EBF1: variants seen among roughly 807,000 people sequenced by gnomAD.
The protein encoded by EBF1 is EBF transcription factor 1, also known as transcription factor COE1.
A neutral mutation model predicts 68.4 loss-of-function variants in EBF1; 10 were observed. The observed-to-expected ratio is 0.15, with a 90% CI of 0.09 to 0.25. The LOEUF is 0.25. EBF1 is among the 10% of genes least tolerant of loss of function. The probability of loss-of-function intolerance (pLI) is 1.00; values close to 1 mark genes in which losing one functional copy is unlikely to be tolerated. For synonymous variants in EBF1, 298 were observed against 299.8 expected (o/e 0.99, Z 0.06); for missense variants, 509 against 794.4 (o/e 0.64, Z 4.32).
intron 6 of EBF1, chr5:158,986,405 G>A (rs1759083679): frequency 1.3e-5 from 2 of 152,126 alleles, no homozygotes; most frequent in Admixed American, 1.3e-4. Context: ...TCTCAGGCAG[G>A]GGCCTCAAAC....
At chr5:159,018,770 G>A (rs1039733093) in intron 6 of EBF1, among the ~76,000 whole-genome samples, 1 of 152,170 alleles carries the variant, frequency 6.6e-6, no homozygotes, top group African/African-American at 2.4e-5. Flanking sequence ...CAGGATTGGA[G>A]TGGCCAAGTA....
At chr5:158,912,406 G>A (rs1338053672) in intron 6 of EBF1, among the ~76,000 whole-genome samples, 2 of 152,180 alleles carry the variant, frequency 1.3e-5, no homozygotes. Flanking sequence ...TCTTGTGCAA[G>A]CCTCTTAATT....
At chr5:159,054,920 G>C (rs1281885716) in intron 6 of EBF1, among the ~76,000 whole-genome samples, 1 of 152,042 alleles carries the variant, frequency 6.6e-6, no homozygotes, top group East Asian at 1.9e-4. Context: ...CTTTTTACTA[G>C]ATCCCTTCCC....
intron 8 of EBF1, among the ~76,000 whole-genome samples, chr5:158,801,757 G>C (rs985307198): frequency 6.6e-6 from 1 of 151,894 alleles, no homozygotes; most frequent in African/African-American, 2.4e-5. Context: ...TGCACCAGGG[G>C]ACATTTGCTA....
At position 159,035,300 on chromosome 5, in the gene EBF1, T is replaced by C. The variant is rs141388393; in HGVS notation, c.554+38096A>G. Reference sequence around the variant, plus strand: ...TGTTTTACTTCTGCTAAATGGAACATTGGTAAAAAATAAAAAATAAATAAT... The same window carrying C: ...TGTTTTACTTCTGCTAAATGGAACACTGGTAAAAAATAAAAAATAAATAAT... On this transcript the variant is annotated intron_variant, in intron 6 of 15. Transcript: ENST00000313708. Among the ~76,000 whole-genome samples, 223 of 152,114 alleles carry C rather than the reference T, an allele frequency of 1.5e-3. 1 individual carries two copies. The highest frequency in any genetic ancestry group is 4.9e-3 in the African/African-American group (202 of 41,502).
intron 10 of EBF1, among the ~76,000 whole-genome samples, chr5:158,774,790 T>C (rs1435906762): frequency 2.0e-5 from 3 of 152,108 alleles, no homozygotes; most frequent in Non-Finnish European, 4.4e-5. Flanking sequence ...GGTAGAGGCA[T>C]TTAATGCTAA....
intron 6 of EBF1, among the ~76,000 whole-genome samples, chr5:158,969,896 G>GAAAT (rs764549225): frequency 6.4e-4 from 64 of 100,042 alleles, no homozygotes; most frequent in Middle Eastern, 4.5e-3. Context: ...AAGAAAGAAA[G>GAAAT]AAAGAAAGAA....
At chr5:158,974,097 C>T (rs939139866) in intron 6 of EBF1, among the ~76,000 whole-genome samples, 9 of 152,216 alleles carry the variant, frequency 5.9e-5, no homozygotes, top group African/African-American at 2.2e-4. Flanking sequence ...AGATGCAGCT[C>T]ATCCTCTTAA....
chr5:158,827,940 C>T (rs1786564512), intron 7 of EBF1, among the ~76,000 whole-genome samples: 1 of 152,134 alleles, frequency 6.6e-6, no homozygotes, highest in Non-Finnish European at 1.5e-5. Flanking sequence ...AACTCTTCCT[C>T]ACGTTAATTT....
At chr5:159,094,851 G>A (rs1782306050) in intron 4 of EBF1, among the ~76,000 whole-genome samples, 1 of 152,126 alleles carries the variant, frequency 6.6e-6, no homozygotes, top group Non-Finnish European at 1.5e-5. Flanking sequence ...AGAAGAAGGG[G>A]AAAAAGCTCC....
intron 6 of EBF1, among the ~76,000 whole-genome samples, chr5:158,957,780 T>C (rs1042435063): frequency 3.3e-5 from 5 of 152,206 alleles, no homozygotes; most frequent in African/African-American, 4.8e-5. Context: ...CGCATGATAT[T>C]TTTCAAGGGA....
At chr5:158,925,284 T>C (rs1809436714) in intron 6 of EBF1, among the ~76,000 whole-genome samples, 2 of 152,224 alleles carry the variant, frequency 1.3e-5, no homozygotes, top group Admixed American at 1.3e-4. Context: ...TCTAGCTCCC[T>C]GCTAGGATGC....
At chr5:158,947,483 C>T (rs530259581) in intron 6 of EBF1, among the ~76,000 whole-genome samples, 108 of 152,290 alleles carry the variant, frequency 7.1e-4, no homozygotes, top group African/African-American at 2.4e-3. Context: ...GGTGAGGCAG[C>T]GCCCCGTCCT....
chr5:159,017,317 A>C (rs1268498213), intron 6 of EBF1, among the ~76,000 whole-genome samples: 2 of 152,246 alleles, frequency 1.3e-5, no homozygotes, highest in African/African-American at 4.8e-5. Context: ...ATTAGTTGCC[A>C]TCACTTAAAA....
At chr5:158,711,674 CTTT>C (rs374478313) in intron 14 of EBF1, among the ~76,000 whole-genome samples, 79 of 146,618 alleles carry the variant, frequency 5.4e-4, no homozygotes, top group Non-Finnish European at 1.0e-3. Context: ...TTTTTGTTTG[CTTT>C]TTTTTTTTCT....
intron 6 of EBF1, among the ~76,000 whole-genome samples, chr5:158,870,337 G>A (rs1796668055): frequency 6.6e-6 from 1 of 152,166 alleles, no homozygotes; most frequent in Non-Finnish European, 1.5e-5. Flanking sequence ...TTTAGCATCT[G>A]CTATAGACTG....
chr5:158,812,981 C>CA (rs1248860559), intron 8 of EBF1, among the ~76,000 whole-genome samples: 1 of 152,022 alleles, frequency 6.6e-6, no homozygotes, highest in Non-Finnish European at 1.5e-5. Flanking sequence ...TGATTTGACT[C>CA]AAAAAAAGAA....
At chr5:158,719,361 G>A (rs892348363) in intron 11 of EBF1, among the ~76,000 whole-genome samples, 8 of 152,140 alleles carry the variant, frequency 5.3e-5, no homozygotes, top group Non-Finnish European at 1.2e-4. Context: ...TTTATTAGCT[G>A]TACTCTTAGG....
In EBF1 at chr5:158,865,847, C is replaced by T. The variant is rs373053600; in HGVS notation, c.555-25737G>A. Among the ~76,000 whole-genome samples the T allele has an allele frequency of 1.4e-4, 21 of 152,316 alleles. No individual in the cohort carries two copies. In the South Asian group the frequency reaches 3.9e-3, roughly 29 times the overall value. Reference sequence around the variant, plus strand: ...CCATGTCCGTATCACAGAGATAATGCTGCAAATACTTAAAGAATGTCTGCA... The same window carrying T: ...CCATGTCCGTATCACAGAGATAATGTTGCAAATACTTAAAGAATGTCTGCA... On this transcript the variant is annotated intron_variant, in intron 6 of 15. Transcript: ENST00000313708.
Sources: allele counts gnomAD v4.1 joint callset (sites outside exome capture counted in the v4.1 genomes callset), GRCh38; gene constraint gnomAD v4.1.1; transcripts MANE v1.5; gene names NCBI Gene and HGNC (gene_info 2026-07-23, HGNC 2026-07-21).